Variants in FBXL17 observed in about 807,000 individuals in gnomAD.
FBXL17 encodes the protein F-box and leucine rich repeat protein 17.
A neutral mutation model predicts 66.2 loss-of-function variants in FBXL17; 22 were observed. The ratio of observed to expected loss-of-function variants is 0.33; its 90% CI spans 0.24 to 0.47. FBXL17 has a LOEUF of 0.47. Among genes scored for constraint, FBXL17 ranks in the 20% least tolerant of loss-of-function variants. The pLI is 1.00. For synonymous variants in FBXL17, 474 were observed against 400.5 expected (o/e 1.18, Z -2.19); for missense variants, 878 against 948.2 (o/e 0.93, Z 0.97).
At chr5:108,119,818 G>A (rs1277398472) in intron 6 of FBXL17, among the ~76,000 whole-genome samples, 1 of 152,100 alleles carries the variant, frequency 6.6e-6, no homozygotes, top group African/African-American at 2.4e-5. Flanking sequence ...TAATTCTGTA[G>A]AACAAAATTT....
intron 4 of FBXL17, among the ~76,000 whole-genome samples, chr5:108,243,538 TTAAAG>T (rs1251870229): frequency 1.3e-5 from 2 of 152,106 alleles, no homozygotes; most frequent in Non-Finnish European, 2.9e-5. Context: ...AAGAGAGAAG[TTAAAG>T]TAATCTTCCC....
chr5:108,184,481 G>A (rs1392865156), intron 6 of FBXL17, among the ~76,000 whole-genome samples: 1 of 151,810 alleles, frequency 6.6e-6, no homozygotes, highest in Non-Finnish European at 1.5e-5. Flanking sequence ...TAATTTTTTT[G>A]TATTTTTAGT....
chr5:108,335,551 C>A (rs986213371), intron 4 of FBXL17, among the ~76,000 whole-genome samples: 2 of 151,912 alleles, frequency 1.3e-5, no homozygotes, highest in African/African-American at 4.8e-5. Flanking sequence ...ACTGGAAGTT[C>A]ATTTCTACAA....
chr5:108,235,278 G>A (rs913194806), intron 4 of FBXL17, among the ~76,000 whole-genome samples: 16 of 152,144 alleles, frequency 1.1e-4, no homozygotes, highest in Non-Finnish European at 1.9e-4. Flanking sequence ...TTCAGAGCCT[G>A]AAAACATATA....
intron 6 of FBXL17, among the ~76,000 whole-genome samples, chr5:108,093,692 A>G (rs564831883): frequency 6.6e-6 from 1 of 152,306 alleles, no homozygotes; most frequent in East Asian, 1.9e-4. Flanking sequence ...TATTGCATTT[A>G]TATCGGCAAA....
chr5:108,230,262 C>T (rs1009932991), intron 4 of FBXL17, among the ~76,000 whole-genome samples: 1 of 152,178 alleles, frequency 6.6e-6, no homozygotes, highest in Non-Finnish European at 1.5e-5. Context: ...GAAAAAGATA[C>T]TTGCACACGC....
chr5:108,015,316 AG>A (rs1168051076), intron 7 of FBXL17, among the ~76,000 whole-genome samples: 2 of 152,204 alleles, frequency 1.3e-5, no homozygotes, highest in Non-Finnish European at 2.9e-5. Context: ...TGGAAAAAAA[AG>A]TGTGAATAAT....
intron 7 of FBXL17, among the ~76,000 whole-genome samples, chr5:107,948,239 GTCAC>G (rs1751378431): frequency 6.6e-6 from 1 of 152,206 alleles, no homozygotes; most frequent in South Asian, 2.1e-4. Context: ...TATACATTTA[GTCAC>G]TCACTTTTTT....
intron 7 of FBXL17, among the ~76,000 whole-genome samples, chr5:108,017,717 A>G (rs2112755768): frequency 6.6e-6 from 1 of 152,302 alleles, no homozygotes; most frequent in African/African-American, 2.4e-5. Context: ...TTCAGTGATA[A>G]AGGAATGACA....
chr5:107,861,636 C>A lies in FBXL17; in HGVS notation c.*84G>T, dbSNP rs1451703121. 5.3e-6 allele frequency: 7 copies of A among 1,322,070 alleles called. No individual in the cohort carries two copies. The highest frequency in any genetic ancestry group is 7.0e-6 in the Non-Finnish European group (7 of 1,004,910). The allele number at this position is 1,322,070 out of a possible 1,614,324, so 81.9% of individuals were successfully genotyped here. The stretch of plus-strand genomic sequence containing the variant: ...ACACACAGACAGGTGACAGTTAAAA[C>A]CCTTCCGAGAGATCAGCTCCCCAAA... On this transcript the variant is annotated 3_prime_UTR_variant, in exon 9 of 9. Transcript: ENST00000542267.
At chr5:107,907,851 T>G (rs1157789407) in intron 7 of FBXL17, among the ~76,000 whole-genome samples, 7 of 151,960 alleles carry the variant, frequency 4.6e-5, no homozygotes, top group Non-Finnish European at 8.8e-5. Flanking sequence ...TTGGTGGGAC[T>G]GTAAACTAGT....
chr5:108,061,878 A>T (rs551338674), intron 6 of FBXL17, among the ~76,000 whole-genome samples: 42 of 137,792 alleles, frequency 3.0e-4, no homozygotes, highest in Admixed American at 9.2e-4. Flanking sequence ...TTTTGTACTT[A>T]AAAAAAAAAA....
intron 4 of FBXL17, among the ~76,000 whole-genome samples, chr5:108,328,475 T>G (rs941180076): frequency 6.6e-6 from 1 of 151,968 alleles, no homozygotes; most frequent in Non-Finnish European, 1.5e-5. Flanking sequence ...CCATCAAAAT[T>G]TATGGCTATT....
intron 7 of FBXL17, among the ~76,000 whole-genome samples, chr5:107,980,093 T>C (rs749736337): frequency 1.3e-5 from 2 of 152,166 alleles, no homozygotes; most frequent in Non-Finnish European, 2.9e-5. Context: ...GGCTTTCGAA[T>C]GAGCTAAAAA....
chr5:107,980,494 C>A (rs1752764833), intron 7 of FBXL17, among the ~76,000 whole-genome samples: 1 of 149,646 alleles, frequency 6.7e-6, no homozygotes, highest in African/African-American at 2.5e-5. Flanking sequence ...TGCCACCATG[C>A]CCAGCTAATT....
chr5:108,316,316 A>G (rs1246557069), intron 4 of FBXL17, among the ~76,000 whole-genome samples: 9 of 151,538 alleles, frequency 5.9e-5, no homozygotes, highest in Non-Finnish European at 4.4e-5. Flanking sequence ...TGAACTATAA[A>G]CCATTTTTAT....
At chr5:107,979,830 A>G (rs528479174) in intron 7 of FBXL17, among the ~76,000 whole-genome samples, 5 of 152,230 alleles carry the variant, frequency 3.3e-5, no homozygotes, top group Admixed American at 2.0e-4. Context: ...AAACAAACTG[A>G]AAGGTTTATT....
rs377416345 is a variant in FBXL17 at position 107,937,136 on chromosome 5, CA to C, written c.1823-55958del. ...GTAATAAATAAGTCATATTACTAAA[CA>C]AAAAAAATCCATATTCTCATTTGTA... On this transcript the variant is annotated intron_variant, in intron 7 of 8. Transcript: ENST00000542267. Among the ~76,000 whole-genome samples the C allele has an allele frequency of 7.3e-4, 111 of 151,542 alleles. 1 individual carries two copies. Among genetic ancestry groups the C allele is most frequent in the African/African-American group, 2.2e-3 (91 of 41,356 alleles).
At chr5:107,994,720 C>T (rs1753400536) in intron 7 of FBXL17, among the ~76,000 whole-genome samples, 1 of 152,034 alleles carries the variant, frequency 6.6e-6, no homozygotes, top group South Asian at 2.1e-4. Context: ...TGCCTATAAT[C>T]CCAGCTACTT....
Sources: gnomAD v4.1 joint callset for allele counts (sites outside exome capture counted in the v4.1 genomes callset) on GRCh38, gnomAD v4.1.1 for gene constraint, MANE v1.5 for transcripts, NCBI Gene and HGNC (gene_info 2026-07-23, HGNC 2026-07-21) for gene names.